MYOM2: variants seen among roughly 807,000 people sequenced by gnomAD.
MYOM2 encodes myomesin 2, also known as myomesin-2.
Under a neutral mutation model 187.6 loss-of-function variants are expected in MYOM2, and 254 were observed. That is an observed-to-expected ratio of 1.35 (90% CI 1.22 to 1.50). The LOEUF (loss-of-function observed/expected upper bound fraction) is 1.50. MYOM2 is among the 40% of genes most tolerant of loss of function. MYOM2 has a pLI of 0.00. For missense variants in MYOM2, 2,796 were observed against 1,924.0 expected (o/e 1.45, Z -8.48); for synonymous variants, 981 against 753.8 (o/e 1.30, Z -4.94).
rs541729536 is a variant in MYOM2, at chr8:2,059,322, G to C, written c.653+77G>C. On this transcript the variant is annotated intron_variant, in intron 6 of 36. Transcript: ENST00000262113. ...AGACCCCAAAGAAGAAGTCAGATGG[G>C]TAACTGGAGGCCAAATCACACCTGT... is the stretch of plus-strand genomic sequence containing the variant. 41 of 1,311,002 alleles carry C rather than the reference G, an allele frequency of 3.1e-5. No homozygotes were observed. The African/African-American group carries it at 4.4e-4, about 14-fold the overall frequency. 81.2% of individuals were successfully genotyped at this position (1,311,002 alleles called of 1,614,324 possible). A position where few individuals can be genotyped will look rare whatever the true frequency, so the allele number is the denominator to read the frequency against.
In MYOM2 at chr8:2,093,893, A is replaced by G; in HGVS notation, c.2004-77A>G. 1.9e-6 allele frequency: 3 copies of G among 1,565,508 alleles called. No homozygotes were observed. The South Asian group carries it at 3.5e-5, about 18-fold the overall frequency. ...CATAAAAATTTTTTATGGCGCGTTC[A>G]GGGTGATTTTTGCTTCTGCTGCAGG... On this transcript the variant is annotated intron_variant, in intron 16 of 36. Transcript: ENST00000262113.
chr8:2,080,983 C>T (rs1370201209), intron 13 of MYOM2, among the ~76,000 whole-genome samples: 2 of 132,960 alleles, frequency 1.5e-5, no homozygotes, highest in African/African-American at 5.7e-5. Flanking sequence ...GCGGGAGGAA[C>T]AGGCAGCCCA....
At chr8:2,102,976 T>C (rs1416675408) in intron 21 of MYOM2, among the ~76,000 whole-genome samples, 195 bp downstream of exon 21, 2 of 151,738 alleles carry the variant, frequency 1.3e-5, no homozygotes, top group African/African-American at 4.8e-5. Flanking sequence ...TATGTATGGG[T>C]ATGTGGATAA....
intron 13 of MYOM2, among the ~76,000 whole-genome samples, chr8:2,083,284 C>G (rs970091110): frequency 2.0e-5 from 3 of 152,220 alleles, no homozygotes; most frequent in Non-Finnish European, 2.9e-5. Context: ...TGGCCAGTGT[C>G]TAGCCTTTGC....
chr8:2,063,798 T>C (rs1818925109), intron 6 of MYOM2, among the ~76,000 whole-genome samples: 1 of 151,930 alleles, frequency 6.6e-6, no homozygotes. Flanking sequence ...TCCCAGGGGG[T>C]TGTTTTAGGG....
chr8:2,059,062 TG>T, intron 5 of MYOM2, 90 bp from the exon 6 acceptor site: 1 of 1,018,758 alleles, frequency 9.8e-7, no homozygotes, highest in Non-Finnish European at 1.5e-6. Context: ...CCTGCAGAAA[TG>T]GGCAGCAGGC....
At chr8:2,138,881 G>A (rs1422596734) in intron 32 of MYOM2, among the ~76,000 whole-genome samples, 1 of 152,008 alleles carries the variant, frequency 6.6e-6, no homozygotes, top group African/African-American at 2.4e-5. Flanking sequence ...CGGCCTCTCT[G>A]GCTTAGTGTG....
At chr8:2,064,985 C>T (rs1818969907) in intron 6 of MYOM2, among the ~76,000 whole-genome samples, 1 of 152,214 alleles carries the variant, frequency 6.6e-6, no homozygotes. Context: ...GAGGAGAGGC[C>T]AGAAGGAATC....
intron 6 of MYOM2, among the ~76,000 whole-genome samples, chr8:2,066,968 T>C (rs925229233): frequency 6.6e-6 from 1 of 152,172 alleles, no homozygotes; most frequent in Non-Finnish European, 1.5e-5. Context: ...ATAATGTTCT[T>C]GGTTTGAAAA....
Position 2,057,672 on chromosome 8 carries a change from G to A in MYOM2, c.452G>A (p.Ser151Asn). 1.2e-6 allele frequency: 2 copies of A among 1,614,156 alleles called. No individual in the cohort carries two copies. Among genetic ancestry groups the A allele is most frequent in the Non-Finnish European group, 1.7e-6 (2 of 1,180,036 alleles). The change falls in exon 5 of 37, where the codon AGC becomes AAC. Residue 151 changes from serine to asparagine, a missense_variant. By Grantham distance (46) the Ser-to-Asn change is conservative (BLOSUM62 1). Transcript: ENST00000262113. ...AGACACACATTTGAAGAGCGGATAA[G>A]CAGGGCTCCTGAGATCCTGGTGCGG... ...WERHTFEERI[S>N]RAPEILVRLR... is the part of the protein sequence containing the mutation.
At chr8:2,100,129 TTTCCTTCCTTCCTTCCTTCCTTCC>T (rs71211554) in intron 19 of MYOM2, among the ~76,000 whole-genome samples, 10 of 45,522 alleles carry the variant, frequency 2.2e-4, no homozygotes, top group African/African-American at 5.7e-4. Flanking sequence ...TCCTTCCTTC[TTTCCTTCCTTCCTTCCTTCCTTCC>T]TTCCTTCCTT....
chr8:2,093,586 C>T (rs886292702), intron 16 of MYOM2, among the ~76,000 whole-genome samples: 1 of 152,246 alleles, frequency 6.6e-6, no homozygotes, highest in South Asian at 2.1e-4. Context: ...CCTAGTCCAT[C>T]TGACTTCCAA....
rs1428885125 is a variant in MYOM2, at chr8:2,106,332, C to T, written c.2825C>T (p.Thr942Ile). The T allele has an allele frequency of 1.2e-6, 2 of 1,614,152 alleles. No individual in the cohort carries two copies. The highest frequency in any genetic ancestry group is 1.1e-5 in the South Asian group (1 of 91,082). Reference protein sequence around the residue: ...CQEMTDASQFTWCKSYEEISD... With the variant: ...CQEMTDASQFIWCKSYEEISD... The stretch of plus-strand genomic sequence containing the variant: ...GAAATGACAGACGCGTCTCAGTTCA[C>T]CTGGTGTAAATCCTACGAGGAGATT... Residue 942 changes from threonine to isoleucine, a missense_variant, in exon 22 of 37, where the codon ACC becomes ATC. By Grantham distance (89) the Thr-to-Ile change is moderately conservative. Coordinates refer to ENST00000262113, the MANE Select transcript of MYOM2 (RefSeq NM_003970.4).
chr8:2,097,177 C>T, intron 18 of MYOM2: 3 of 835,628 alleles, frequency 3.6e-6, no homozygotes, highest in Non-Finnish European at 4.3e-6. Context: ...TCTTTGTCTA[C>T]TAGAAAATTC....
intron 32 of MYOM2, 85 bp downstream of exon 32, chr8:2,129,317 AC>A: frequency 1.3e-6 from 1 of 782,012 alleles, no homozygotes; most frequent in Non-Finnish European, 2.2e-6. Flanking sequence ...TCCCTGGGGA[AC>A]ATCAAGGCAC....
intron 17 of MYOM2, among the ~76,000 whole-genome samples, chr8:2,094,852 A>G (rs1438405047): frequency 2.0e-5 from 3 of 152,162 alleles, no homozygotes; most frequent in African/African-American, 4.8e-5. Context: ...AAACGAGACA[A>G]TTGGGATCCT....
At chr8:2,077,359 C>A (rs1431374900) in intron 11 of MYOM2, among the ~76,000 whole-genome samples, 1 of 151,792 alleles carries the variant, frequency 6.6e-6, no homozygotes, top group Non-Finnish European at 1.5e-5. Context: ...AAAAAAACCA[C>A]AAAGGATGGT....
At position 2,124,365 on chromosome 8, in the gene MYOM2, T is replaced by A. The variant is rs1014417243; in HGVS notation, c.3694+148T>A. On this transcript the variant is annotated intron_variant, in intron 31 of 36. Transcript: ENST00000262113. ...CCTGGATGGAAGGGCAGGGTGGTGA[T>A]CTGCTGCCGATGAAGCTTTTTAAAG... 1.4e-5 allele frequency: 10 copies of A among 735,692 alleles called. No individual in the cohort carries two copies. The South Asian group carries it at 1.7e-4, about 12-fold the overall frequency. The allele number at this position is 735,692 out of a possible 1,614,324, so 45.6% of individuals were successfully genotyped here. A position where few individuals can be genotyped will look rare whatever the true frequency, so the allele number is the denominator to read the frequency against.
intron 3 of MYOM2, among the ~76,000 whole-genome samples, chr8:2,055,154 G>GGAACCAAGTACCTGGATACTGGGC (rs1818622201): frequency 6.8e-6 from 1 of 146,110 alleles, no homozygotes; most frequent in Non-Finnish European, 1.5e-5. Context: ...GGATACTGGG[G>GGAACCAAGTACCTGGATACTGGGC]GAACCAAGTA....
Sources: allele counts gnomAD v4.1 joint callset (sites outside exome capture counted in the v4.1 genomes callset), GRCh38; gene constraint gnomAD v4.1.1; transcripts MANE v1.5; gene names NCBI Gene and HGNC (gene_info 2026-07-23, HGNC 2026-07-21).